Variants in LOC128092252 observed in about 807,000 individuals in gnomAD.
At chr15:50,677,912 T>C in the LOC128092252 span, among the ~76,000 whole-genome samples, 1 of 151,712 alleles carries the variant, frequency 6.6e-6, no homozygotes, top group South Asian at 2.1e-4. Context: ...ATAAAGTTCA[T>C]GTGCTCAAGA....
chr15:50,652,232 C>G, the LOC128092252 span, among the ~76,000 whole-genome samples: 1 of 140,928 alleles, frequency 7.1e-6, no homozygotes, highest in African/African-American at 2.6e-5. Context: ...TCTGAGGAGG[C>G]TGAGGCATGA....
At chr15:50,682,993 C>T in the LOC128092252 span, among the ~76,000 whole-genome samples, 2 of 151,848 alleles carry the variant, frequency 1.3e-5, no homozygotes, top group Non-Finnish European at 2.9e-5. Flanking sequence ...AGCCATCCTC[C>T]CACCTCAGCC....
chr15:50,677,391 A>C, the LOC128092252 span, among the ~76,000 whole-genome samples: 128 of 152,140 alleles, frequency 8.4e-4, 1 homozygote, highest in African/African-American at 3.0e-3. Flanking sequence ...GAGGGAGATC[A>C]CATTCAGTAC....
At chr15:50,648,911 C>G in the LOC128092252 span, 1,561,823 of 1,571,564 alleles carry the variant, frequency 0.99, 776,500 homozygotes, top group Non-Finnish European at 1. Context: ...GAGATTAAAA[C>G]ACCCTTCAAA....
At chr15:50,677,942 T>C in the LOC128092252 span, among the ~76,000 whole-genome samples, 2 of 151,482 alleles carry the variant, frequency 1.3e-5, no homozygotes, top group African/African-American at 2.4e-5. Flanking sequence ...TAAATGACAC[T>C]AAAGACCTAG....
At chr15:50,651,487 T>TA in the LOC128092252 span, among the ~76,000 whole-genome samples, 4 of 150,256 alleles carry the variant, frequency 2.7e-5, no homozygotes, top group African/African-American at 9.8e-5. Context: ...GTAATAAAAA[T>TA]AAAAAAAATT....
the LOC128092252 span, among the ~76,000 whole-genome samples, chr15:50,666,390 G>T: frequency 6.6e-6 from 1 of 152,008 alleles, no homozygotes; most frequent in South Asian, 2.1e-4. Flanking sequence ...GCAGCGAGCT[G>T]TGATCATGCC....
chr15:50,686,271 A>G, the LOC128092252 span, among the ~76,000 whole-genome samples: 2 of 152,190 alleles, frequency 1.3e-5, no homozygotes, highest in East Asian at 3.9e-4. Context: ...CCGCCTGGAG[A>G]GGCCCTCGCT....
At chr15:50,654,400 T>C in the LOC128092252 span, among the ~76,000 whole-genome samples, 3 of 150,654 alleles carry the variant, frequency 2.0e-5, no homozygotes, top group African/African-American at 7.3e-5. Flanking sequence ...TGAGCTGAGA[T>C]TGCAGCACTG....
chr15:50,678,506 TA>T, the LOC128092252 span, among the ~76,000 whole-genome samples: 63 of 128,732 alleles, frequency 4.9e-4, no homozygotes, highest in South Asian at 1.5e-3. Flanking sequence ...TTCCATTCTT[TA>T]AAAAAAAAAA....
the LOC128092252 span, among the ~76,000 whole-genome samples, chr15:50,679,179 T>A: frequency 4.1e-4 from 62 of 150,648 alleles, 1 homozygote; most frequent in African/African-American, 1.5e-3. Flanking sequence ...GTCAAAAAAA[T>A]TTTTTAATTA....
chr15:50,685,349 C>G, the LOC128092252 span, among the ~76,000 whole-genome samples: 29 of 152,126 alleles, frequency 1.9e-4, no homozygotes, highest in Non-Finnish European at 3.4e-4. Context: ...CCCAGCTACT[C>G]GGGAGCCTGA....
At chr15:50,656,067 G>A in the LOC128092252 span, among the ~76,000 whole-genome samples, 5 of 151,238 alleles carry the variant, frequency 3.3e-5, no homozygotes, top group Non-Finnish European at 7.4e-5. Flanking sequence ...TATATCCAGT[G>A]AAAACATTCT....
the LOC128092252 span, among the ~76,000 whole-genome samples, chr15:50,650,969 G>A: frequency 6.6e-6 from 1 of 152,130 alleles, no homozygotes; most frequent in Non-Finnish European, 1.5e-5. Flanking sequence ...CCGGCAGTTT[G>A]CTTGAGCCCA....
the LOC128092252 span, among the ~76,000 whole-genome samples, chr15:50,670,740 G>A: frequency 9.3e-5 from 14 of 150,966 alleles, no homozygotes; most frequent in Non-Finnish European, 1.6e-4. Context: ...CAACCTATGG[G>A]GTAACCATTC....
chr15:50,674,259 G>A, the LOC128092252 span, among the ~76,000 whole-genome samples: 1 of 152,190 alleles, frequency 6.6e-6, no homozygotes, highest in African/African-American at 2.4e-5. Flanking sequence ...AAAGTGCTAG[G>A]ATTACAGGCG....
At chr15:50,678,645 A>G in the LOC128092252 span, among the ~76,000 whole-genome samples, 1 of 151,854 alleles carries the variant, frequency 6.6e-6, no homozygotes, top group East Asian at 1.9e-4. Flanking sequence ...GATATTACTG[A>G]CATTTTAGAT....
chr15:50,658,811 A>C, the LOC128092252 span, among the ~76,000 whole-genome samples: 1 of 152,348 alleles, frequency 6.6e-6, no homozygotes, highest in South Asian at 2.1e-4. Flanking sequence ...TTTTCCTAAC[A>C]GCCAAAAGAA....
chr15:50,666,621 T>C, the LOC128092252 span, among the ~76,000 whole-genome samples: 2 of 152,080 alleles, frequency 1.3e-5, no homozygotes, highest in Non-Finnish European at 2.9e-5. Context: ...CTGACCAACA[T>C]GGAGAAACCT....
Sources: allele counts gnomAD v4.1 joint callset (sites outside exome capture counted in the v4.1 genomes callset), GRCh38; gene constraint gnomAD v4.1.1; transcripts MANE v1.5.